Variants in LPA observed in about 807,000 individuals in gnomAD.
The protein encoded by LPA is apolipoprotein(a).
A neutral mutation model predicts 197.9 loss-of-function variants in LPA; 199 were observed. That is an observed-to-expected ratio of 1.01 (90% CI 0.90 to 1.13). LPA has a LOEUF of 1.13. LPA is among the 50% of genes most tolerant of loss of function. The probability of loss-of-function intolerance (pLI) is 0.00; values close to 1 mark genes in which losing one functional copy is unlikely to be tolerated. For synonymous variants in LPA, 715 were observed against 639.5 expected, an observed-to-expected ratio of 1.12 and a Z score of -1.78; for missense variants, 1,853 against 1,785.8, an observed-to-expected ratio of 1.04 and a Z score of -0.68.
chr6:160,560,488 C>T (rs371002223), intron 28 of LPA, among the ~76,000 whole-genome samples: 5 of 152,190 alleles, frequency 3.3e-5, no homozygotes, highest in Admixed American at 2.0e-4. Flanking sequence ...GCCATTCTAA[C>T]GGGCATGAGA....
intron 22 of LPA, among the ~76,000 whole-genome samples, chr6:160,592,368 TC>T (rs1779046545): frequency 6.6e-6 from 1 of 152,240 alleles, no homozygotes; most frequent in Non-Finnish European, 1.5e-5. Context: ...ATAACTTTTC[TC>T]AGTTTTTAAA....
rs1176138984 is a variant in LPA at position 160,585,133 on chromosome 6, G to C, written c.4202C>G (p.Ser1401Cys). ...ACATGTTCTTCCTGTGATAGTGGTG[G>C]AGAGTGTGCCTCGATAACTCTGTCC... ...GDGQSYRGTL[S>C]TTITGRTCQS... Residue 1401 changes from serine (S) to cysteine (C), a missense_variant, in exon 26 of 39, where the codon TCC becomes TGC. This residue lies in a region of LPA where 1,737 missense variants were observed against 1,504.4 expected (regional missense o/e 1.15). Coordinates refer to ENST00000316300, the MANE Select transcript of LPA (RefSeq NM_005577.4). The C allele has an allele frequency of 6.2e-7, 1 of 1,613,870 alleles. No individual in the cohort carries two copies. Among genetic ancestry groups the C allele is most frequent in the South Asian group, 1.1e-5 (1 of 91,080 alleles).
At chr6:160,580,731 AGCCTGTT>A (rs751744192) in intron 26 of LPA, among the ~76,000 whole-genome samples, 3 of 152,216 alleles carry the variant, frequency 2.0e-5, no homozygotes, top group Non-Finnish European at 4.4e-5. Flanking sequence ...TGACTATTCA[AGCCTGTT>A]GCCCATTTTG....
Position 160,532,527 on chromosome 6 carries a change from T to C in LPA, c.5961+4A>G. The C allele has an allele frequency of 6.3e-7, 1 of 1,577,810 alleles. No homozygotes were observed. The highest frequency in any genetic ancestry group is 1.1e-5 in the South Asian group (1 of 90,322). On this transcript the variant is annotated splice_donor_region_variant and intron_variant, in intron 38 of 38. Coordinates refer to ENST00000316300, the MANE Select transcript of LPA (RefSeq NM_005577.4). Reference sequence around the variant, plus strand: ...AAGACTTTGATCTATTGATCTTTTCTTACCTGGCAACTGTCAGTGCCTCTG... The same window carrying C: ...AAGACTTTGATCTATTGATCTTTTCCTACCTGGCAACTGTCAGTGCCTCTG...
At chr6:160,602,390 A>C (rs1160992138) in intron 18 of LPA, among the ~76,000 whole-genome samples, 1 of 152,210 alleles carries the variant, frequency 6.6e-6, no homozygotes, top group Non-Finnish European at 1.5e-5. Context: ...TAAGAAACTT[A>C]CAATGGTACA....
At chr6:160,610,909 T>C (rs1779490430) in intron 16 of LPA, among the ~76,000 whole-genome samples, 2 of 152,308 alleles carry the variant, frequency 1.3e-5, no homozygotes, top group Admixed American at 1.3e-4. Context: ...TCTTTGGTTG[T>C]TGATTATGGC....
intron 28 of LPA, among the ~76,000 whole-genome samples, chr6:160,565,726 T>C (rs1189105217): frequency 6.6e-6 from 1 of 152,138 alleles, no homozygotes; most frequent in East Asian, 1.9e-4. Context: ...AATAACAAAT[T>C]TCTCCGAGCT....
chr6:160,533,222 C>T (rs1777834187), intron 37 of LPA, among the ~76,000 whole-genome samples: 1 of 152,116 alleles, frequency 6.6e-6, no homozygotes, highest in Non-Finnish European at 1.5e-5. Flanking sequence ...GTACTGAATG[C>T]CACTCAGTGG....
At chr6:160,589,183 AC>A (rs1778974372) in intron 24 of LPA, among the ~76,000 whole-genome samples, 1 of 152,188 alleles carries the variant, frequency 6.6e-6, no homozygotes, top group South Asian at 2.1e-4. Flanking sequence ...GGCAAACACA[AC>A]CTTCACTCCA....
chr6:160,610,858 C>G (rs539806373), intron 16 of LPA, among the ~76,000 whole-genome samples: 5 of 152,154 alleles, frequency 3.3e-5, no homozygotes, highest in African/African-American at 4.8e-5. Context: ...TCTAGGTCCT[C>G]TACCATCTGT....
intron 34 of LPA, among the ~76,000 whole-genome samples, chr6:160,541,558 T>G (rs1420576132): frequency 6.6e-6 from 1 of 152,218 alleles, no homozygotes; most frequent in Non-Finnish European, 1.5e-5. Context: ...TGACAAGATC[T>G]ATGCAAGGTC....
chr6:160,660,798 C>T (rs1780211528), intron 1 of LPA, among the ~76,000 whole-genome samples: 1 of 152,098 alleles, frequency 6.6e-6, no homozygotes, highest in Admixed American at 6.6e-5. Context: ...TGAAGCTCCT[C>T]CACAAAGAAG....
chr6:160,591,147 A>C (rs1779022646), intron 22 of LPA, 46 bp from the exon 23 acceptor site: 2 of 1,608,786 alleles, frequency 1.2e-6, no homozygotes, highest in Non-Finnish European at 1.7e-6. Context: ...GGGAGAAGAT[A>C]CAAGGGCACC....
intron 16 of LPA, among the ~76,000 whole-genome samples, chr6:160,608,110 A>C (rs568035354): frequency 6.6e-6 from 1 of 152,154 alleles, no homozygotes; most frequent in Non-Finnish European, 1.5e-5. Flanking sequence ...AAATATATAG[A>C]AATTTGGTCA....
At chr6:160,539,840 C>CT (rs3839350) in intron 36 of LPA, among the ~76,000 whole-genome samples, 110,735 of 151,942 alleles carry the variant, frequency 0.73, 41,199 homozygotes, top group African/African-American at 0.87. Context: ...CGTGAGGAAA[C>CT]GAATCCTTCT....
intron 37 of LPA, among the ~76,000 whole-genome samples, chr6:160,534,926 A>T (rs934574025): frequency 6.6e-5 from 10 of 151,090 alleles, no homozygotes; most frequent in African/African-American, 2.4e-4. Context: ...GGTGATAGTG[A>T]TGGTGTTAAT....
intron 37 of LPA, among the ~76,000 whole-genome samples, chr6:160,536,898 T>G (rs1194678299): frequency 6.6e-6 from 1 of 152,218 alleles, no homozygotes; most frequent in African/African-American, 2.4e-5. Flanking sequence ...CAAAAAACAT[T>G]TTATCAAATC....
chr6:160,542,800 A>C lies in LPA; in HGVS notation c.5407T>G (p.Ser1803Ala). The C allele has an allele frequency of 6.2e-7, 1 of 1,614,038 alleles. No individual in the cohort carries two copies. Among genetic ancestry groups the C allele is most frequent in the Non-Finnish European group, 8.5e-7 (1 of 1,179,936 alleles). The change falls in exon 34 of 39, where the codon TCA (serine) becomes GCA (alanine). Residue 1803 changes from serine (S) to alanine (A), a missense_variant. Ser to Ala is a moderately conservative substitution (Grantham distance 99, BLOSUM62 1). Around this residue, in one of 3 missense-constraint regions of LPA, gnomAD observed 1,737 missense variants for 1,504.4 expected, o/e 1.15. Coordinates refer to ENST00000316300, the MANE Select transcript of LPA (RefSeq NM_005577.4). ...YCDIPLCASS[S>A]FDCGKPQVEP... Reference sequence around the variant, plus strand: ...ACTTGAGGCTTCCCACAATCAAATGAAGAGGATGCTGTGGCACAAGGTGGG... The same window carrying C: ...ACTTGAGGCTTCCCACAATCAAATGCAGAGGATGCTGTGGCACAAGGTGGG...
chr6:160,567,098 T>G (rs899420249), intron 28 of LPA, among the ~76,000 whole-genome samples: 10 of 152,074 alleles, frequency 6.6e-5, no homozygotes, highest in Admixed American at 6.5e-4. Flanking sequence ...GACAGAAAGT[T>G]AACATGGATA....
Sources: gnomAD v4.1 joint callset for allele counts (sites outside exome capture counted in the v4.1 genomes callset) on GRCh38, gnomAD v4.1.1 for gene constraint, gnomAD v4.1.1 regional missense constraint, MANE v1.5 for transcripts, NCBI Gene and HGNC (gene_info 2026-07-23, HGNC 2026-07-21) for gene names.